The following SFXN5 variants were observed in gnomAD, a reference collection of about 807,000 sequenced individuals.
The protein encoded by SFXN5 is sideroflexin 5, also known as sideroflexin-5.
A neutral mutation model predicts 50.2 loss-of-function variants in SFXN5; 43 were observed. That is an observed-to-expected ratio of 0.86 (90% CI 0.67 to 1.11). The LOEUF is 1.11. SFXN5 is among the 50% of genes least tolerant of loss of function. The probability of loss-of-function intolerance (pLI) is 0.00; values close to 1 mark genes in which losing one functional copy is unlikely to be tolerated. For synonymous variants in SFXN5, 203 were observed against 185.8 expected (o/e 1.09, Z -0.75); for missense variants, 463 against 454.1 (o/e 1.02, Z -0.18).
In SFXN5 at chr2:72,944,678, TAAAA is replaced by T. The variant is rs1186386156; in HGVS notation, c.*340_*343del. Reference sequence around the variant, plus strand: ...ATTTGATTCTGATAAAAAATAAAAATAAAAAAGGAACCAAAGTATAAAAGGATTC... The same window carrying T: ...ATTTGATTCTGATAAAAAATAAAAATAAGGAACCAAAGTATAAAAGGATTC... On this transcript the variant is annotated 3_prime_UTR_variant, in exon 14 of 14. Transcript: ENST00000272433. The T allele has an allele frequency of 4.8e-6, 1 of 208,676 alleles. No homozygotes were observed. The highest frequency in any genetic ancestry group is 9.6e-6 in the Non-Finnish European group (1 of 104,578). The allele number at this position is 208,676 out of a possible 1,614,324, so 12.9% of individuals were successfully genotyped here.
intron 1 of SFXN5, chr2:73,059,872 G>T (rs563067394): frequency 5.3e-6 from 5 of 942,140 alleles, no homozygotes; most frequent in Non-Finnish European, 6.3e-6. Context: ...CAAAGATCTG[G>T]TCAGGTGTAC....
In SFXN5 at chr2:72,992,225, C is replaced by T. The variant is rs564801518; in HGVS notation, c.535-3877G>A. On this transcript the variant is annotated intron_variant, in intron 9 of 13. Coordinates refer to ENST00000272433, the MANE Select transcript of SFXN5 (RefSeq NM_144579.3). This position sits in a 1 kb window ranked among gnomAD's most constrained non-coding sequence, Gnocchi z 4.5. ...AAGGCCGGCTTCCTGATAGTCCCCA[C>T]GGAGATGGGAACAGGGCTGACCAGC... is the stretch of plus-strand genomic sequence containing the variant. 7.2e-5 allele frequency among the ~76,000 whole-genome samples: 11 copies of T among 152,292 alleles called. 1 individual carries two copies. The highest frequency in any genetic ancestry group is 5.9e-4 in the Admixed American group (9 of 15,300).
At chr2:72,997,752 C>T (rs1673422019) in intron 9 of SFXN5, 1 of 152,006 alleles carries the variant, frequency 6.6e-6, no homozygotes, top group Non-Finnish European at 1.5e-5. Context: ...ACCATGCAGA[C>T]TAATTTTTGT....
chr2:73,032,456 C>T (rs1307932338), intron 3 of SFXN5, among the ~76,000 whole-genome samples: 4 of 152,094 alleles, frequency 2.6e-5, no homozygotes, highest in South Asian at 4.1e-4. Context: ...AGAAGCAATC[C>T]GGGTGAGAGG....
rs905518365 is a variant in SFXN5 at position 72,999,099 on chromosome 2, A to G, written c.469-85T>C. On this transcript the variant is annotated intron_variant, in intron 8 of 13. Coordinates refer to ENST00000272433, the MANE Select transcript of SFXN5 (RefSeq NM_144579.3). ...TTGTAAGCTGTCCCAGCCAGCAAGA[A>G]GCATCCTGCCCACCAGCCTGGAAAG... is the stretch of plus-strand genomic sequence containing the variant. 3.5e-6 allele frequency: 5 copies of G among 1,427,132 alleles called. No homozygotes were observed. The African/African-American group carries it at 7.0e-5, about 20-fold the overall frequency. 88.4% of individuals were successfully genotyped at this position (1,427,132 alleles called of 1,614,324 possible).
At chr2:73,000,270 G>A (rs1225738921) in intron 8 of SFXN5, among the ~76,000 whole-genome samples, 161 bp downstream of exon 8, 2 of 152,096 alleles carry the variant, frequency 1.3e-5, no homozygotes, top group African/African-American at 2.4e-5. Context: ...TGTCTGAGTC[G>A]GCCACCCACC....
At chr2:73,011,911 A>G (rs1232107907) in intron 6 of SFXN5, among the ~76,000 whole-genome samples, 1 of 152,240 alleles carries the variant, frequency 6.6e-6, no homozygotes. Flanking sequence ...ATCCTTGTGC[A>G]AAAATGGCTT....
At chr2:72,989,775 T>C (rs1672352560) in intron 9 of SFXN5, among the ~76,000 whole-genome samples, 1 of 152,140 alleles carries the variant, frequency 6.6e-6, no homozygotes, top group South Asian at 2.1e-4. Flanking sequence ...AAAGACAAGA[T>C]GCATGAAACC....
At chr2:72,980,098 G>A (rs775155387) in intron 10 of SFXN5, among the ~76,000 whole-genome samples, 1 of 152,110 alleles carries the variant, frequency 6.6e-6, no homozygotes, top group African/African-American at 2.4e-5. Flanking sequence ...TCTGCAAGAA[G>A]TGGGAGGTAA....
rs565047530 is a variant in SFXN5 at position 73,063,562 on chromosome 2, G to A, written c.103-4966C>T. 1.8e-4 allele frequency among the ~76,000 whole-genome samples: 27 copies of A among 152,276 alleles called. No homozygotes were observed. In the South Asian group the frequency reaches 2.9e-3, roughly 16 times the overall value. On this transcript the variant is annotated intron_variant, in intron 1 of 13. Transcript: ENST00000272433. ...TATAAAGTTAAGATTAATGAGAAAC[G>A]TTGTGACCAGAAACCCCTTATTTGC...
rs530392635 is a variant in SFXN5 at position 73,047,582 on chromosome 2, A to G, written c.172-6651T>C. Among the ~76,000 whole-genome samples the G allele has an allele frequency of 5.9e-5, 9 of 151,886 alleles. No homozygotes were observed. In the East Asian group the frequency reaches 1.2e-3, roughly 20 times the overall value. On this transcript the variant is annotated intron_variant, in intron 2 of 13. Transcript: ENST00000272433. ...CCCCATACTGTTCTCATAGTAGTGAATAAGTCTCATTAGATCTGATGGTTT... is the reference window on the plus strand; with the variant it reads ...CCCCATACTGTTCTCATAGTAGTGAGTAAGTCTCATTAGATCTGATGGTTT...
intron 9 of SFXN5, among the ~76,000 whole-genome samples, chr2:72,988,826 C>G (rs1460599794): frequency 1.3e-5 from 2 of 152,086 alleles, no homozygotes; most frequent in African/African-American, 4.8e-5. Context: ...GGGCTCAGGA[C>G]AGGGAGACCC....
chr2:73,007,754 C>A (rs1167320642), intron 6 of SFXN5, among the ~76,000 whole-genome samples: 1 of 152,188 alleles, frequency 6.6e-6, no homozygotes, highest in Non-Finnish European at 1.5e-5. Context: ...AGTACCCCAA[C>A]ACACAACAAT....
rs961823540 is a variant in SFXN5 at position 72,945,778 on chromosome 2, C to G, written c.946-679G>C. Among the ~76,000 whole-genome samples, 2 of 152,020 alleles carry G rather than the reference C, an allele frequency of 1.3e-5. No homozygotes were observed. Among genetic ancestry groups the G allele is most frequent in the African/African-American group, 4.8e-5 (2 of 41,394 alleles). On this transcript the variant is annotated intron_variant, in intron 13 of 13. Coordinates refer to ENST00000272433, the MANE Select transcript of SFXN5 (RefSeq NM_144579.3). This position sits in a 1 kb window ranked among gnomAD's most constrained non-coding sequence, Gnocchi z 5.8. ...AACCTGACCATGTAATGGAGACCCT[C>G]AAAATTCCCTGTCCTTGACTTTGGC...
chr2:72,959,686 C>A (rs952641267), intron 13 of SFXN5, among the ~76,000 whole-genome samples: 1 of 152,110 alleles, frequency 6.6e-6, no homozygotes, highest in Non-Finnish European at 1.5e-5. Flanking sequence ...CAAGGCTGAT[C>A]CCCTCGTCTG....
chr2:73,023,980 G>A (rs917034949), intron 3 of SFXN5, among the ~76,000 whole-genome samples: 3 of 151,974 alleles, frequency 2.0e-5, no homozygotes, highest in Non-Finnish European at 4.4e-5. Context: ...CTGATCCTAA[G>A]ATATACTATC....
At chr2:73,066,752 G>A (rs1162593342) in intron 1 of SFXN5, among the ~76,000 whole-genome samples, 1 of 152,036 alleles carries the variant, frequency 6.6e-6, no homozygotes, top group Non-Finnish European at 1.5e-5. Flanking sequence ...GTAAATCCCA[G>A]CACTTTGGGA....
chr2:72,988,471 C>G, intron 9 of SFXN5, 123 bp from the exon 10 acceptor site: 1 of 818,874 alleles, frequency 1.2e-6, no homozygotes, highest in Middle Eastern at 3.4e-4. Context: ...CACAACTGCA[C>G]CTCACACCCC....
chr2:73,039,337 G>A (rs1260070358), intron 3 of SFXN5, among the ~76,000 whole-genome samples: 1 of 152,224 alleles, frequency 6.6e-6, no homozygotes. Context: ...TACAGTGAGA[G>A]TGAGAGATGG....
Sources: gnomAD v4.1 joint callset for allele counts (sites outside exome capture counted in the v4.1 genomes callset) on GRCh38, gnomAD v4.1.1 for gene constraint, Gnocchi (gnomAD v3.1) non-coding constraint, MANE v1.5 for transcripts, NCBI Gene and HGNC (gene_info 2026-07-23, HGNC 2026-07-21) for gene names.